The following CAST variants were observed in gnomAD, a reference collection of about 807,000 sequenced individuals.
The protein encoded by CAST is MIR583 host.
Under a neutral mutation model 119.6 loss-of-function variants are expected in CAST, and 76 were observed. That is an observed-to-expected ratio of 0.64 (90% CI 0.53 to 0.77). The LOEUF (loss-of-function observed/expected upper bound fraction) is 0.77, where lower values mean the gene tolerates loss of function less well. Among genes scored for constraint, CAST ranks in the 30% least tolerant of loss-of-function variants. The pLI, the probability that CAST is intolerant of heterozygous loss-of-function variation, is 0.00. For missense variants in CAST, 953 were observed against 946.5 expected, an observed-to-expected ratio of 1.01 and a Z score of -0.09; for synonymous variants, 319 against 331.6, an observed-to-expected ratio of 0.96 and a Z score of 0.41.
chr5:96,485,096 C>A, the CAST span, among the ~76,000 whole-genome samples: 11 of 152,158 alleles, frequency 7.2e-5, no homozygotes, highest in Non-Finnish European at 1.2e-4. Flanking sequence ...AAGGAGTGAG[C>A]TTTCAGGTTC....
At chr5:96,355,649 T>C in the CAST span, among the ~76,000 whole-genome samples, 1 of 152,174 alleles carries the variant, frequency 6.6e-6, no homozygotes, top group South Asian at 2.1e-4. Flanking sequence ...CCACCAACAG[T>C]GTAAAAGCAT....
chr5:96,188,277 G>A, the CAST span, among the ~76,000 whole-genome samples: 1 of 151,908 alleles, frequency 6.6e-6, no homozygotes, highest in East Asian at 1.9e-4. Context: ...TGCCCTTTTT[G>A]CAAATCTCAT....
the CAST span, among the ~76,000 whole-genome samples, chr5:96,200,469 C>T: frequency 0.028 from 4,194 of 152,170 alleles, 213 homozygotes; most frequent in African/African-American, 0.096. Flanking sequence ...ATCTGCCAAC[C>T]GGAAAGAGAC....
chr5:96,136,997 G>A, the CAST span, among the ~76,000 whole-genome samples: 1 of 152,118 alleles, frequency 6.6e-6, no homozygotes, highest in Non-Finnish European at 1.5e-5. Context: ...AATACAGTTA[G>A]ACTGCTTTGT....
At chr5:96,255,106 C>T in the CAST span, among the ~76,000 whole-genome samples, 9 of 151,864 alleles carry the variant, frequency 5.9e-5, no homozygotes, top group Middle Eastern at 3.4e-3. Context: ...TATTCTGGAG[C>T]GGATGGGGGT....
At chr5:96,322,573 C>A in the CAST span, among the ~76,000 whole-genome samples, 1 of 152,142 alleles carries the variant, frequency 6.6e-6, no homozygotes, top group African/African-American at 2.4e-5. Flanking sequence ...AACATGCCAT[C>A]TGAGACCCTT....
intron 1 of CAST, among the ~76,000 whole-genome samples, chr5:96,611,102 T>G: frequency 6.6e-6 from 1 of 152,156 alleles, no homozygotes; most frequent in East Asian, 1.9e-4. Context: ...TTAACACAAT[T>G]CCTATCAAAT....
chr5:96,054,024 ATAT>A, the CAST span, among the ~76,000 whole-genome samples: 3 of 152,164 alleles, frequency 2.0e-5, no homozygotes, highest in Non-Finnish European at 1.5e-5. Flanking sequence ...TTGACGTTTG[ATAT>A]TATATTTCTT....
At chr5:96,559,486 A>T (rs1746312885) in intron 1 of CAST, among the ~76,000 whole-genome samples, 1 of 152,196 alleles carries the variant, frequency 6.6e-6, no homozygotes, top group African/African-American at 2.4e-5. Context: ...AATCTCCTTA[A>T]GCTGATAAGC....
chr5:96,610,159 A>G (rs1056059523), intron 1 of CAST, among the ~76,000 whole-genome samples: 1 of 152,204 alleles, frequency 6.6e-6, no homozygotes, highest in Non-Finnish European at 1.5e-5. Context: ...TCCCGTGCAC[A>G]TGCTCTTGCC....
chr5:96,323,230 G>A, the CAST span, among the ~76,000 whole-genome samples: 1 of 152,208 alleles, frequency 6.6e-6, no homozygotes, highest in African/African-American at 2.4e-5. Context: ...TTGTCTCTGT[G>A]TACATAACAC....
the CAST span, among the ~76,000 whole-genome samples, chr5:96,265,130 TC>T: frequency 6.6e-6 from 1 of 152,318 alleles, no homozygotes; most frequent in East Asian, 1.9e-4. Context: ...GTACCAAGTT[TC>T]CTTTCTACCA....
the CAST span, among the ~76,000 whole-genome samples, chr5:96,244,457 A>G: frequency 6.6e-6 from 1 of 152,228 alleles, no homozygotes; most frequent in Non-Finnish European, 1.5e-5. Flanking sequence ...AAAGTTGGAA[A>G]ATGAAAAATT....
At chr5:96,700,067 A>T (rs754926976) in intron 3 of CAST, among the ~76,000 whole-genome samples, 1 of 152,104 alleles carries the variant, frequency 6.6e-6, no homozygotes, top group African/African-American at 2.4e-5. Flanking sequence ...CCAGGTTCTT[A>T]CTTTTCTCAT....
the CAST span, among the ~76,000 whole-genome samples, chr5:96,303,129 G>C: frequency 6.6e-6 from 1 of 152,184 alleles, no homozygotes; most frequent in African/African-American, 2.4e-5. Flanking sequence ...AGGTGAAGGG[G>C]AAGCTGGCAC....
the CAST span, chr5:96,423,222 A>C: frequency 1.6e-6 from 2 of 1,257,822 alleles, no homozygotes; most frequent in Non-Finnish European, 2.3e-6. Context: ...CTGACACCAG[A>C]GCAGCATCCC....
the CAST span, among the ~76,000 whole-genome samples, chr5:96,132,382 A>G: frequency 6.6e-6 from 1 of 152,060 alleles, no homozygotes; most frequent in Admixed American, 6.6e-5. Flanking sequence ...GGTATCTATC[A>G]CCTCAAATAT....
At chr5:96,270,231 G>A in the CAST span, among the ~76,000 whole-genome samples, 1 of 152,072 alleles carries the variant, frequency 6.6e-6, no homozygotes, top group African/African-American at 2.4e-5. Context: ...GGAAATGGAA[G>A]GAATGTACCT....
At chr5:96,422,003 A>T in the CAST span, 2 of 782,570 alleles carry the variant, frequency 2.6e-6, no homozygotes, top group Admixed American at 2.1e-5. Flanking sequence ...TAAAAAAAAA[A>T]AAAAAAAAAA....
Sources: allele counts gnomAD v4.1 joint callset (sites outside exome capture counted in the v4.1 genomes callset), GRCh38; gene constraint gnomAD v4.1.1; transcripts MANE v1.5; gene names NCBI Gene and HGNC (gene_info 2026-07-23, HGNC 2026-07-21).